Variants in DRICH1 observed in about 807,000 individuals in gnomAD.
DRICH1 encodes the protein aspartate-rich protein 1.
DRICH1 carries 38 observed loss-of-function variants against 39.5 expected under a neutral mutation model. That is an observed-to-expected ratio of 0.96 (90% CI 0.74 to 1.26). The LOEUF (loss-of-function observed/expected upper bound fraction) is 1.26. Ranked by LOEUF, DRICH1 falls within the 50% of genes most tolerant of loss-of-function variation. The probability of loss-of-function intolerance (pLI) is 0.00; values close to 1 mark genes in which losing one functional copy is unlikely to be tolerated. For synonymous variants in DRICH1, 84 were observed against 99.5 expected (o/e 0.84, Z 0.93); for missense variants, 279 against 270.4 (o/e 1.03, Z -0.22).
the DRICH1 span, among the ~76,000 whole-genome samples, chr22:23,588,077 T>A: frequency 1.3e-5 from 2 of 152,134 alleles, no homozygotes; most frequent in African/African-American, 2.4e-5. Context: ...ACAGCAGTAG[T>A]TCCTGATAAA....
At chr22:23,605,056 T>G (rs946783057), downstream of DRICH1, among the ~76,000 whole-genome samples, 2 of 152,212 alleles carry the variant, frequency 1.3e-5, no homozygotes, top group Non-Finnish European at 2.9e-5. Flanking sequence ...CTCACCACTC[T>G]GGCCTCTATC....
chr22:23,588,077 T>C, the DRICH1 span, among the ~76,000 whole-genome samples: 3 of 152,134 alleles, frequency 2.0e-5, no homozygotes, highest in East Asian at 5.8e-4. Context: ...ACAGCAGTAG[T>C]TCCTGATAAA....
rs140937816 is a variant in DRICH1, at chr22:23,625,278, C to T, written c.277-374G>A. 4.9e-3 allele frequency among the ~76,000 whole-genome samples: 743 copies of T among 151,578 alleles called. 17 individuals are homozygous for T. The highest frequency in any genetic ancestry group is 0.017 in the African/African-American group (698 of 40,914). ...CCATCCTCACAAAGACAATTGTGTA[C>T]GTTGTACATAATGTGTCTTGTTATA... On this transcript the variant is annotated intron_variant, in intron 2 of 11. Transcript: ENST00000317749.
the DRICH1 span, among the ~76,000 whole-genome samples, chr22:23,602,816 T>C: frequency 2.5e-4 from 38 of 152,114 alleles, no homozygotes; most frequent in African/African-American, 8.9e-4. Context: ...AGAGTAAACT[T>C]TACCATAAAG....
intron 4 of DRICH1, among the ~76,000 whole-genome samples, chr22:23,621,441 C>G (rs1927723112): frequency 6.6e-6 from 1 of 151,886 alleles, no homozygotes; most frequent in Non-Finnish European, 1.5e-5. Flanking sequence ...ATACCTAAAG[C>G]CCCTCCCCAA....
At chr22:23,623,811 T>C (rs947601929) in intron 3 of DRICH1, 3 of 400,046 alleles carry the variant, frequency 7.5e-6, no homozygotes, top group Non-Finnish European at 1.0e-5. Context: ...ATCACAGATG[T>C]AGAATAGAGA....
the DRICH1 span, chr22:23,583,431 G>T: frequency 2.6e-5 from 4 of 152,242 alleles, no homozygotes; most frequent in African/African-American, 7.2e-5. Flanking sequence ...CTGGAGCTGG[G>T]CCATCTCACA....
chr22:23,624,353 CAAA>C, intron 3 of DRICH1: 1 of 984,592 alleles, frequency 1.0e-6, no homozygotes, highest in Non-Finnish European at 1.2e-6. Flanking sequence ...AAGAAATGAT[CAAA>C]AACACAGGAT....
At chr22:23,620,026 GCAGGTGTTCT>G (rs1189194253) in intron 5 of DRICH1, among the ~76,000 whole-genome samples, 1 of 152,124 alleles carries the variant, frequency 6.6e-6, no homozygotes, top group African/African-American at 2.4e-5. Flanking sequence ...GCAGAAAAGA[GCAGGTGTTCT>G]CAGAAAAATA....
At chr22:23,585,963 G>GT in the DRICH1 span, among the ~76,000 whole-genome samples, 5 of 152,186 alleles carry the variant, frequency 3.3e-5, no homozygotes, top group Middle Eastern at 3.2e-3. Flanking sequence ...ATTCTTGTCT[G>GT]TTTTTTATCT....
chr22:23,592,275 A>C, the DRICH1 span, among the ~76,000 whole-genome samples: 1 of 152,216 alleles, frequency 6.6e-6, no homozygotes, highest in South Asian at 2.1e-4. Context: ...CAGAACAAAT[A>C]CAAGGGCAGT....
chr22:23,586,352 G>A, the DRICH1 span, among the ~76,000 whole-genome samples: 11 of 152,300 alleles, frequency 7.2e-5, no homozygotes, highest in African/African-American at 2.2e-4. Flanking sequence ...AGCTGGGCAT[G>A]GTGACTTGCA....
In DRICH1 at chr22:23,631,841, G is replaced by A. The variant is rs1239626657; in HGVS notation, c.183C>T (p.His61=). Residue 61 remains histidine (H), a synonymous_variant, in exon 1 of 12, where the codon CAC becomes CAT. Transcript: ENST00000317749. ...CTGTGGGCATCTTTTGGTTGCTGAT[G>A]TGCTGCAGGTCTTGGCCCTCCGTGG... ...VGATEGQDLQ[H]ISNQKMPTGP... 2 of 1,612,354 alleles carry A rather than the reference G, an allele frequency of 1.2e-6. No individual in the cohort carries two copies. Among genetic ancestry groups the A allele is most frequent in the East Asian group, 2.2e-5 (1 of 44,886 alleles).
At position 23,618,009 on chromosome 22, in the gene DRICH1, G is replaced by A. The variant is rs186959393; in HGVS notation, c.437-352C>T. On this transcript the variant is annotated intron_variant, in intron 6 of 11. Coordinates refer to ENST00000317749, the MANE Select transcript of DRICH1 (RefSeq NM_016449.4). Reference sequence around the variant, plus strand: ...GTGTAAGTACACTGGACATAATTATGCTGGTACAACATCTAGCATCTGTTT... The same window carrying A: ...GTGTAAGTACACTGGACATAATTATACTGGTACAACATCTAGCATCTGTTT... Among the ~76,000 whole-genome samples the A allele has an allele frequency of 1.4e-3, 217 of 152,100 alleles. 1 individual carries two copies. Among genetic ancestry groups the A allele is most frequent in the African/African-American group, 5.0e-3 (209 of 41,500 alleles).
intron 4 of DRICH1, among the ~76,000 whole-genome samples, chr22:23,621,492 T>C (rs1391738602): frequency 1.3e-5 from 2 of 151,964 alleles, no homozygotes; most frequent in Non-Finnish European, 2.9e-5. Flanking sequence ...GACCTCATAG[T>C]ACTCAGCCTA....
At chr22:23,626,833 G>A (rs1928090679) in intron 1 of DRICH1, among the ~76,000 whole-genome samples, 1 of 1,716 alleles carries the variant, frequency 5.8e-4, no homozygotes, top group African/African-American at 6.9e-3. Context: ...GGAACTGAAG[G>A]AACCACTTTT....
the DRICH1 span, among the ~76,000 whole-genome samples, chr22:23,591,760 C>A: frequency 2.3e-4 from 35 of 152,260 alleles, no homozygotes; most frequent in Middle Eastern, 3.4e-3. Flanking sequence ...GTAAATACAC[C>A]AGGCGTTAAG....
At chr22:23,612,651 G>C (rs1253704291) in intron 11 of DRICH1, among the ~76,000 whole-genome samples, 1 of 152,092 alleles carries the variant, frequency 6.6e-6, no homozygotes, top group Non-Finnish European at 1.5e-5. Context: ...CAGAATCTGT[G>C]ATTGGGTTGG....
At chr22:23,630,360 AC>A (rs1156485789) in intron 1 of DRICH1, among the ~76,000 whole-genome samples, 1 of 152,160 alleles carries the variant, frequency 6.6e-6, no homozygotes, top group East Asian at 1.9e-4. Context: ...TTCTGGGTTC[AC>A]TTTTGCCTCT....
Sources: gnomAD v4.1 joint callset for allele counts (sites outside exome capture counted in the v4.1 genomes callset) on GRCh38, gnomAD v4.1.1 for gene constraint, MANE v1.5 for transcripts, NCBI Gene and HGNC (gene_info 2026-07-23, HGNC 2026-07-21) for gene names.